The following TIMM50 variants were observed in gnomAD, a reference collection of about 807,000 sequenced individuals.
TIMM50 encodes mitochondrial import inner membrane translocase subunit TIM50.
Under a neutral mutation model 49.6 loss-of-function variants are expected in TIMM50, and 34 were observed. The observed-to-expected ratio is 0.69, with a 90% CI of 0.52 to 0.91. The LOEUF (loss-of-function observed/expected upper bound fraction) is 0.91, where lower values mean the gene tolerates loss of function less well. Among genes scored for constraint, TIMM50 ranks in the 40% least tolerant of loss-of-function variants. The pLI is 0.00. For synonymous variants in TIMM50, 199 were observed against 198.4 expected, an observed-to-expected ratio of 1.00 and a Z score of -0.03; for missense variants, 458 against 477.8, an observed-to-expected ratio of 0.96 and a Z score of 0.39.
At position 39,489,878 on chromosome 19, in the gene TIMM50, A is replaced by G. The variant is rs576373550; in HGVS notation, c.*58A>G. On this transcript the variant is annotated 3_prime_UTR_variant, in exon 11 of 11. Coordinates refer to ENST00000607714, the MANE Select transcript of TIMM50 (RefSeq NM_001001563.5). ...CCAGGGCCCCAGTGCTTCCAGACCA[A>G]GACTTGGGCCACCACTTGTCCAATA... is the stretch of plus-strand genomic sequence containing the variant. 5.2e-5 allele frequency: 77 copies of G among 1,494,676 alleles called. No individual in the cohort carries two copies. The African/African-American group carries it at 9.9e-4, about 19-fold the overall frequency. 92.6% of individuals were successfully genotyped at this position (1,494,676 alleles called of 1,614,324 possible).
chr19:39,486,016 C>A, intron 6 of TIMM50, 171 bp from the exon 7 acceptor site: 2 of 1,080,478 alleles, frequency 1.9e-6, no homozygotes, highest in East Asian at 2.4e-5. Context: ...ATAAGTGCCA[C>A]AAAGGAGCCA....
chr19:39,488,445 G>GC lies in TIMM50; in HGVS notation c.854-89dup, dbSNP rs1159246450. ...AGAAGCATTCCAGGTAGCACTGACT[G>GC]CCCCCGTGCCCCAGTGCGGGACGTT... On this transcript the variant is annotated intron_variant, in intron 9 of 10. Transcript: ENST00000607714. 8.2e-6 allele frequency: 10 copies of GC among 1,215,606 alleles called. No individual in the cohort carries two copies. In the East Asian group the frequency reaches 2.3e-4, roughly 28 times the overall value. The allele number at this position is 1,215,606 out of a possible 1,614,324, so 75.3% of individuals were successfully genotyped here. A position where few individuals can be genotyped will look rare whatever the true frequency, so the allele number is the denominator to read the frequency against.
chr19:39,489,847 C>CTGGGTCCAGGGCCCCAGTGCT lies in TIMM50; in HGVS notation c.*29_*49dup. On this transcript the variant is annotated 3_prime_UTR_variant, in exon 11 of 11. Coordinates refer to ENST00000607714, the MANE Select transcript of TIMM50 (RefSeq NM_001001563.5). Reference sequence around the variant, plus strand: ...CTCTGGGCCTCCTCAAACTCAGTGCCTGGGTCCAGGGCCCCAGTGCTTCCA... The same window carrying CTGGGTCCAGGGCCCCAGTGCT: ...CTCTGGGCCTCCTCAAACTCAGTGCCTGGGTCCAGGGCCCCAGTGCTTGGGTCCAGGGCCCCAGTGCTTCCA... The CTGGGTCCAGGGCCCCAGTGCT allele has an allele frequency of 6.3e-7, 1 of 1,582,748 alleles. No homozygotes were observed. Among genetic ancestry groups the CTGGGTCCAGGGCCCCAGTGCT allele is most frequent in the Non-Finnish European group, 8.6e-7 (1 of 1,163,342 alleles).
At chr19:39,484,231 G>A (rs1336968048) in intron 4 of TIMM50, among the ~76,000 whole-genome samples, 1 of 152,046 alleles carries the variant, frequency 6.6e-6, no homozygotes, top group African/African-American at 2.4e-5. Context: ...AGCCTTGTAA[G>A]TTTACTGTTT....
At position 39,489,939 on chromosome 19, in the gene TIMM50, A is replaced by G. The variant is rs2079534005; in HGVS notation, c.*119A>G. 1 of 961,476 alleles carries G rather than the reference A, an allele frequency of 1.0e-6. No homozygotes were observed. The highest frequency in any genetic ancestry group is 1.5e-5 in the South Asian group (1 of 67,168). The allele number at this position is 961,476 out of a possible 1,614,324, so 59.6% of individuals were successfully genotyped here. ...CAGACGCCACACCTGCTGTGTCCCG[A>G]GAGTCTCCAGATGGGGGCATCAGGG... On this transcript the variant is annotated 3_prime_UTR_variant, in exon 11 of 11. Transcript: ENST00000607714.
Position 39,480,941 on chromosome 19 carries a change from C to G in TIMM50, c.88C>G (p.Pro30Ala). ...RGLCTRLATP[P>A]RRAPDQAAEI... ...ACTGTGCACGAGGTTGGCGACGCCGCCCCGCCGGGCCCCAGATCAGGTGAG... is the reference window on the plus strand; with the variant it reads ...ACTGTGCACGAGGTTGGCGACGCCGGCCCGCCGGGCCCCAGATCAGGTGAG... The change falls in exon 1 of 11, where the codon CCC (proline) becomes GCC (alanine). Residue 30 changes from proline (P) to alanine (A), a missense_variant. Pro to Ala is a conservative substitution (Grantham distance 27). Coordinates refer to ENST00000607714, the MANE Select transcript of TIMM50 (RefSeq NM_001001563.5). 1.9e-6 allele frequency: 3 copies of G among 1,585,144 alleles called. No individual in the cohort carries two copies. Among genetic ancestry groups the G allele is most frequent in the African/African-American group, 2.7e-5 (2 of 74,326 alleles).
chr19:39,482,101 C>T (rs999442646), intron 2 of TIMM50, 68 bp downstream of exon 2: 1 of 1,560,360 alleles, frequency 6.4e-7, no homozygotes, highest in African/African-American at 1.4e-5. Flanking sequence ...GAACCTCCCA[C>T]TCTTGCCCAC....
chr19:39,482,398 C>T (rs1163878059), intron 2 of TIMM50, among the ~76,000 whole-genome samples: 2 of 152,118 alleles, frequency 1.3e-5, no homozygotes, highest in Admixed American at 6.5e-5. Context: ...TGGCTCACGC[C>T]TGTAATCCCA....
chr19:39,486,977 G>T (rs1046216399), intron 8 of TIMM50, among the ~76,000 whole-genome samples: 1 of 152,046 alleles, frequency 6.6e-6, no homozygotes, highest in African/African-American at 2.4e-5. Flanking sequence ...TCGGGGTGGG[G>T]GTTCTGTGTT....
At chr19:39,488,518 C>A in intron 9 of TIMM50, 21 bp from the exon 10 acceptor site, 1 of 1,607,642 alleles carries the variant, frequency 6.2e-7, no homozygotes, top group Non-Finnish European at 8.5e-7. Context: ...CCTGGCTGAC[C>A]ACCCCCTGTT....
Position 39,489,968 on chromosome 19 carries a change from G to T in TIMM50, c.*148G>T. On this transcript the variant is annotated 3_prime_UTR_variant, in exon 11 of 11. Transcript: ENST00000607714. ...TCTCCAGATGGGGGCATCAGGGTGA[G>T]GTCCGGGACTCTTGGGTCATCGTCC... 1 of 743,724 alleles carries T rather than the reference G, an allele frequency of 1.3e-6. No homozygotes were observed. The highest frequency in any genetic ancestry group is 1.7e-5 in the South Asian group (1 of 57,498). 46.1% of individuals were successfully genotyped at this position (743,724 alleles called of 1,614,324 possible).
At chr19:39,486,963 C>T (rs566384967) in intron 8 of TIMM50, among the ~76,000 whole-genome samples, 31 of 152,058 alleles carry the variant, frequency 2.0e-4, no homozygotes, top group Non-Finnish European at 3.5e-4. Flanking sequence ...CTGTCTGTGT[C>T]GTGTCGGGGT....
At chr19:39,488,015 G>A (rs757528336) in intron 8 of TIMM50, 46 bp from the exon 9 acceptor site, 62 of 1,575,374 alleles carry the variant, frequency 3.9e-5, no homozygotes, top group Admixed American at 6.9e-5. Context: ...CTTGATGGGG[G>A]GAGAGTTGGG....
chr19:39,487,019 G>A (rs558204994), intron 8 of TIMM50, among the ~76,000 whole-genome samples: 2 of 152,138 alleles, frequency 1.3e-5, no homozygotes, highest in Non-Finnish European at 2.9e-5. Flanking sequence ...CGTGGGCTGT[G>A]ATCGAGGGTC....
At chr19:39,487,519 G>A (rs2079515053) in intron 8 of TIMM50, among the ~76,000 whole-genome samples, 2 of 151,738 alleles carry the variant, frequency 1.3e-5, no homozygotes, top group Non-Finnish European at 2.9e-5. Flanking sequence ...GTGCAGTGGC[G>A]CGATCTTGGT....
At chr19:39,486,634 T>TGCCTCTA (rs1186398109) in intron 8 of TIMM50, 139 bp downstream of exon 8, 4 of 769,468 alleles carry the variant, frequency 5.2e-6, no homozygotes, top group Non-Finnish European at 8.7e-6. Context: ...GGCACATGCC[T>TGCCTCTA]GCCTCTAGCC....
chr19:39,480,895 G>GC lies in TIMM50; in HGVS notation c.43dup (p.Leu15ProfsTer33). On this transcript the variant is annotated frameshift_variant, in exon 1 of 11. Coordinates refer to ENST00000607714, the MANE Select transcript of TIMM50 (RefSeq NM_001001563.5). LOFTEE classifies it high-confidence loss of function. ...CGGTGTTCTCGCGCTTGCGAAGCGG[G>GC]CTCCGGCTCGGCTCGCGGGGACTGT... 6.3e-7 allele frequency: 1 copy of GC among 1,598,048 alleles called. No individual in the cohort carries two copies. The highest frequency in any genetic ancestry group is 8.5e-7 in the Non-Finnish European group (1 of 1,176,798).
chr19:39,487,329 G>A (rs1043730897), intron 8 of TIMM50, among the ~76,000 whole-genome samples: 1 of 152,156 alleles, frequency 6.6e-6, no homozygotes. Flanking sequence ...GAGTGCAGTG[G>A]TGTGATGAAC....
At position 39,486,284 on chromosome 19, in the gene TIMM50, C is replaced by A. The variant is rs1339922249; in HGVS notation, c.590C>A (p.Thr197Asn). ...LYEIVIFTSE[T>N]GMTAFPLIDS... ...GAAATTGTCATCTTTACGTCAGAGA[C>A]TGGCATGGTGAGGCTCTGGGGCAGG... Residue 197 changes from threonine to asparagine, a missense_variant, in exon 7 of 11, where the codon ACT (threonine) becomes AAT (asparagine). Transcript: ENST00000607714. 1.9e-6 allele frequency: 3 copies of A among 1,614,132 alleles called. No individual in the cohort carries two copies. Among genetic ancestry groups the A allele is most frequent in the Non-Finnish European group, 2.5e-6 (3 of 1,180,002 alleles).
Sources: allele counts gnomAD v4.1 joint callset (sites outside exome capture counted in the v4.1 genomes callset), GRCh38; gene constraint gnomAD v4.1.1; transcripts MANE v1.5; gene names NCBI Gene and HGNC (gene_info 2026-07-23, HGNC 2026-07-21).